Variants in NEGR1 observed in about 807,000 individuals in gnomAD.
The protein encoded by NEGR1 is IgLON family member 4.
NEGR1 carries 10 observed loss-of-function variants against 40.9 expected under a neutral mutation model. That is an observed-to-expected ratio of 0.24 (90% confidence interval 0.15 to 0.42). The LOEUF (loss-of-function observed/expected upper bound fraction) is 0.42. Ranked by LOEUF, NEGR1 falls within the 10% of genes least tolerant of loss-of-function variation. The pLI is 1.00. For missense variants in NEGR1, 352 were observed against 438.9 expected (o/e 0.80, Z 1.77); for synonymous variants, 185 against 166.8 (o/e 1.11, Z -0.84).
intron 1 of NEGR1, among the ~76,000 whole-genome samples, chr1:72,016,784 C>T (rs907349455): frequency 2.0e-5 from 3 of 152,162 alleles, no homozygotes; most frequent in African/African-American, 7.2e-5. Context: ...AATGAGCAGT[C>T]ACTACTTGCC....
At chr1:72,068,677 A>C (rs564940004) in intron 1 of NEGR1, among the ~76,000 whole-genome samples, 1 of 152,312 alleles carries the variant, frequency 6.6e-6, no homozygotes, top group South Asian at 2.1e-4. Context: ...TGAAGTAAAT[A>C]GAATGTTATA....
At chr1:71,746,213 G>A (rs1307207553) in intron 3 of NEGR1, among the ~76,000 whole-genome samples, 3 of 152,188 alleles carry the variant, frequency 2.0e-5, no homozygotes, top group Non-Finnish European at 4.4e-5. Flanking sequence ...TGACCCTTAT[G>A]ATGAGGAGGA....
intron 2 of NEGR1, among the ~76,000 whole-genome samples, chr1:71,812,733 T>A (rs1291143530): frequency 6.6e-6 from 1 of 152,162 alleles, no homozygotes; most frequent in Non-Finnish European, 1.5e-5. Context: ...TGCTCACTTT[T>A]TAATGGAGTT....
chr1:72,255,385 A>G (rs1655232798), intron 1 of NEGR1, among the ~76,000 whole-genome samples: 1 of 152,174 alleles, frequency 6.6e-6, no homozygotes, highest in Non-Finnish European at 1.5e-5. Context: ...ACTGGTATAT[A>G]GTAGTTGTTG....
intron 6 of NEGR1, among the ~76,000 whole-genome samples, chr1:71,470,310 G>A (rs1451280268): frequency 6.6e-6 from 1 of 151,916 alleles, no homozygotes; most frequent in African/African-American, 2.4e-5. Flanking sequence ...CTTTGTATGT[G>A]TTTTAGGTAC....
chr1:71,702,091 T>C (rs1653717136), intron 3 of NEGR1, among the ~76,000 whole-genome samples: 1 of 152,066 alleles, frequency 6.6e-6, no homozygotes, highest in African/African-American at 2.4e-5. Context: ...CCTCAAGCTT[T>C]TGATTTTTTT....
chr1:71,719,622 G>T (rs1421383063), intron 3 of NEGR1, among the ~76,000 whole-genome samples: 1 of 146,622 alleles, frequency 6.8e-6, no homozygotes, highest in Non-Finnish European at 1.5e-5. Context: ...AGGAGCCAGT[G>T]TTTTTTTTTT....
chr1:71,839,200 T>A (rs1265938675), intron 2 of NEGR1, among the ~76,000 whole-genome samples: 4 of 924 alleles, frequency 4.3e-3, no homozygotes, highest in African/African-American at 6.2e-3. Context: ...AGACCAGACT[T>A]TTTTTTTTTT....
chr1:71,831,977 T>C (rs1263916580), intron 2 of NEGR1, among the ~76,000 whole-genome samples: 1 of 151,284 alleles, frequency 6.6e-6, no homozygotes, highest in Non-Finnish European at 1.5e-5. Context: ...GAACGGGGAG[T>C]AACAGAATGA....
chr1:71,779,174 C>T (rs1159948810), intron 2 of NEGR1, among the ~76,000 whole-genome samples: 1 of 152,188 alleles, frequency 6.6e-6, no homozygotes, highest in Non-Finnish European at 1.5e-5. Context: ...GAAATCCTTA[C>T]ATGCACGGTG....
At chr1:72,245,749 T>C (rs1224557099) in intron 1 of NEGR1, among the ~76,000 whole-genome samples, 1 of 152,124 alleles carries the variant, frequency 6.6e-6, no homozygotes, top group Non-Finnish European at 1.5e-5. Context: ...AGTAATGAAA[T>C]ATAATAATGA....
chr1:71,582,380 A>G (rs1317830890), intron 6 of NEGR1, among the ~76,000 whole-genome samples: 1 of 152,232 alleles, frequency 6.6e-6, no homozygotes, highest in South Asian at 2.1e-4. Flanking sequence ...ATACAATCCT[A>G]TACAGACCCA....
At chr1:71,782,802 G>A (rs1557650710) in intron 2 of NEGR1, among the ~76,000 whole-genome samples, 1 of 152,062 alleles carries the variant, frequency 6.6e-6, no homozygotes, top group Non-Finnish European at 1.5e-5. Context: ...ACTTTTTCAT[G>A]GATTCTCTGA....
At chr1:72,274,850 T>A in intron 1 of NEGR1, 1 of 1,580,126 alleles carries the variant, frequency 6.3e-7, no homozygotes, top group Non-Finnish European at 8.7e-7. Context: ...AGCCACCCCA[T>A]CAAGAACACC....
chr1:71,827,769 A>G (rs1658687579), intron 2 of NEGR1, among the ~76,000 whole-genome samples: 1 of 151,894 alleles, frequency 6.6e-6, no homozygotes, highest in South Asian at 2.1e-4. Context: ...TTTTTATGTA[A>G]CTATACCGCG....
intron 1 of NEGR1, among the ~76,000 whole-genome samples, chr1:72,251,356 A>C (rs576702561): frequency 6.6e-6 from 1 of 152,302 alleles, no homozygotes; most frequent in East Asian, 1.9e-4. Context: ...CCATTACAAA[A>C]ATTAAATTAG....
chr1:71,861,917 T>TA (rs541262867), intron 2 of NEGR1, among the ~76,000 whole-genome samples: 14 of 152,046 alleles, frequency 9.2e-5, no homozygotes, highest in Admixed American at 2.0e-4. Context: ...AGGAGACATT[T>TA]AAAAAAAATC....
At position 71,400,916 on chromosome 1, in the gene NEGR1, C is replaced by T. The variant is rs556544037; in HGVS notation, c.*6530G>A. 15 of 152,492 alleles carry T rather than the reference C, an allele frequency of 9.8e-5. No individual in the cohort carries two copies. Among genetic ancestry groups the T allele is most frequent in the African/African-American group, 3.6e-4 (15 of 41,514 alleles). 9.4% of individuals were successfully genotyped at this position (152,492 alleles called of 1,614,324 possible). On this transcript the variant is annotated 3_prime_UTR_variant, in exon 7 of 7. Transcript: ENST00000357731. Reference sequence around the variant, plus strand: ...GGTGTGGTGGCACGTGCCTATAATCCCAGCTACTGGGGAGGCTGATGCAGG... The same window carrying T: ...GGTGTGGTGGCACGTGCCTATAATCTCAGCTACTGGGGAGGCTGATGCAGG...
At chr1:72,178,364 C>T (rs997653226) in intron 1 of NEGR1, among the ~76,000 whole-genome samples, 1 of 151,898 alleles carries the variant, frequency 6.6e-6, no homozygotes, top group South Asian at 2.1e-4. Context: ...GAATGTCACA[C>T]ATTCATTGGC....
Sources: allele counts gnomAD v4.1 joint callset (sites outside exome capture counted in the v4.1 genomes callset), GRCh38; gene constraint gnomAD v4.1.1; transcripts MANE v1.5; gene names NCBI Gene and HGNC (gene_info 2026-07-23, HGNC 2026-07-21).